Variants in ATP6V1C1 observed in about 807,000 individuals in gnomAD.
The protein encoded by ATP6V1C1 is ATPase H+ transporting V1 subunit C1.
A neutral mutation model predicts 53.9 loss-of-function variants in ATP6V1C1; 45 were observed. The ratio of observed to expected loss-of-function variants is 0.83; its 90% CI spans 0.66 to 1.07. The LOEUF (loss-of-function observed/expected upper bound fraction) is 1.07. Among genes scored for constraint, ATP6V1C1 ranks in the 50% least tolerant of loss-of-function variants. ATP6V1C1 has a pLI of 0.00. For missense variants in ATP6V1C1, 315 were observed against 440.3 expected (o/e 0.72, Z 2.55); for synonymous variants, 153 against 155.2 (o/e 0.99, Z 0.11).
intron 12 of ATP6V1C1, 105 bp downstream of exon 12, chr8:103,066,552 C>T: frequency 1.6e-6 from 2 of 1,256,884 alleles, no homozygotes; most frequent in South Asian, 1.8e-5. Flanking sequence ...GAAACTTAAT[C>T]ATTTTTTATT....
intron 12 of ATP6V1C1, among the ~76,000 whole-genome samples, chr8:103,066,817 T>C (rs990277143): frequency 3.3e-5 from 5 of 152,084 alleles, no homozygotes; most frequent in African/African-American, 9.7e-5. Context: ...AGTCAATAGA[T>C]GAGTATTTTC....
intron 12 of ATP6V1C1, among the ~76,000 whole-genome samples, chr8:103,067,428 T>C (rs1233490392): frequency 1.3e-5 from 2 of 150,450 alleles, no homozygotes; most frequent in Non-Finnish European, 3.0e-5. Flanking sequence ...TGTAGTGGGC[T>C]TTTACTTTAT....
Position 103,064,742 on chromosome 8 carries a change from A to G in ATP6V1C1, c.857A>G (p.Asn286Ser). 6.2e-7 allele frequency: 1 copy of G among 1,613,308 alleles called. No homozygotes were observed. The highest frequency in any genetic ancestry group is 8.5e-7 in the Non-Finnish European group (1 of 1,179,764). ...CCACTTGTACGGTGGCTGAAAGTGA[A>G]TTTTAGTGAAGCATTTATTGCATGG... ...FGPLVRWLKV[N>S]FSEAFIAWIH... Residue 286 changes from asparagine (N) to serine (S), a missense_variant, in exon 11 of 13, where the codon AAT becomes AGT. Transcript: ENST00000518738.
chr8:103,065,601 C>T (rs989495127), intron 11 of ATP6V1C1, among the ~76,000 whole-genome samples: 1 of 151,888 alleles, frequency 6.6e-6, no homozygotes, highest in African/African-American at 2.4e-5. Flanking sequence ...CAAAAAAACA[C>T]CCCAAAACTT....
chr8:103,060,449 C>T (rs1274923981), intron 8 of ATP6V1C1, among the ~76,000 whole-genome samples: 1 of 152,186 alleles, frequency 6.6e-6, no homozygotes. Context: ...GTTACTAATT[C>T]CCCAGTGTAT....
intron 1 of ATP6V1C1, among the ~76,000 whole-genome samples, chr8:103,030,846 T>G (rs975731800): frequency 2.6e-5 from 4 of 152,208 alleles, no homozygotes; most frequent in Admixed American, 2.6e-4. Flanking sequence ...CTTATGGTGC[T>G]GGGAGGCATT....
At chr8:103,047,454 A>ACG (rs972645176) in intron 3 of ATP6V1C1, among the ~76,000 whole-genome samples, 1 of 120,418 alleles carries the variant, frequency 8.3e-6, no homozygotes, top group African/African-American at 3.0e-5. Context: ...ACACACACAC[A>ACG]CACACACACA....
At position 103,048,929 on chromosome 8, in the gene ATP6V1C1, T is replaced by A; in HGVS notation, c.260T>A (p.Val87Asp). Residue 87 changes from valine to aspartate, a missense_variant, in exon 4 of 13, where the codon GTT (valine) becomes GAT (aspartate). Val to Asp is a radical substitution (Grantham distance 152). Transcript: ENST00000518738. ...ADVLEDSKDK[V>D]QENLLANGVD... ...GTATTGGAAGATAGCAAAGACAAAG[T>A]TCAAGAGAATCTGTTGGCTAATGGA... is the stretch of plus-strand genomic sequence containing the variant. The A allele has an allele frequency of 6.2e-7, 1 of 1,613,230 alleles. No homozygotes were observed. Among genetic ancestry groups the A allele is most frequent in the Non-Finnish European group, 8.5e-7 (1 of 1,179,626 alleles).
intron 1 of ATP6V1C1, among the ~76,000 whole-genome samples, chr8:103,025,623 A>G (rs796347685): frequency 6.6e-6 from 1 of 152,218 alleles, no homozygotes; most frequent in Non-Finnish European, 1.5e-5. Flanking sequence ...GAATAACTCA[A>G]ATAGAGTCCC....
intron 1 of ATP6V1C1, among the ~76,000 whole-genome samples, chr8:103,040,104 G>T (rs916527897): frequency 3.9e-5 from 6 of 152,066 alleles, no homozygotes; most frequent in Non-Finnish European, 7.4e-5. Flanking sequence ...CTTTCTCCAA[G>T]ATAAAAGTTA....
At chr8:103,037,691 TA>T (rs1476795541) in intron 1 of ATP6V1C1, among the ~76,000 whole-genome samples, 1 of 152,218 alleles carries the variant, frequency 6.6e-6, no homozygotes, top group Admixed American at 6.5e-5. Context: ...TACATTCTCA[TA>T]AAAATTTTAA....
chr8:103,040,330 C>T (rs1033081867), intron 1 of ATP6V1C1, among the ~76,000 whole-genome samples: 3 of 151,526 alleles, frequency 2.0e-5, no homozygotes, highest in Non-Finnish European at 4.4e-5. Flanking sequence ...ACAAAAATCG[C>T]TTGAACCTGG....
chr8:103,045,663 C>T (rs142281553), intron 3 of ATP6V1C1, among the ~76,000 whole-genome samples: 6,622 of 152,054 alleles, frequency 0.044, 236 homozygotes, highest in East Asian at 0.11. Flanking sequence ...AAAAATGGGC[C>T]GGGCATGGTG....
At chr8:103,062,083 C>G (rs12335341) in intron 8 of ATP6V1C1, among the ~76,000 whole-genome samples, 1 of 146,802 alleles carries the variant, frequency 6.8e-6, no homozygotes, top group Non-Finnish European at 1.5e-5. Context: ...CTGGGACCTT[C>G]TAAAGCCTAA....
At chr8:103,028,825 T>G (rs1267571145) in intron 1 of ATP6V1C1, among the ~76,000 whole-genome samples, 1 of 152,264 alleles carries the variant, frequency 6.6e-6, no homozygotes, top group Non-Finnish European at 1.5e-5. Flanking sequence ...GTTTACCAAC[T>G]TTGATCACAT....
At chr8:103,068,422 T>C (rs186731836) in intron 12 of ATP6V1C1, among the ~76,000 whole-genome samples, 20 of 152,360 alleles carry the variant, frequency 1.3e-4, no homozygotes, top group Admixed American at 1.3e-3. Context: ...GTCAGAATGC[T>C]TGAACCTGGC....
At chr8:103,040,114 A>AT (rs1362596980) in intron 1 of ATP6V1C1, among the ~76,000 whole-genome samples, 2 of 152,150 alleles carry the variant, frequency 1.3e-5, no homozygotes, top group Admixed American at 6.5e-5. Flanking sequence ...GATAAAAGTT[A>AT]TGCTTTTTTT....
intron 1 of ATP6V1C1, among the ~76,000 whole-genome samples, chr8:103,035,692 TG>T (rs918859694): frequency 2.0e-5 from 3 of 152,090 alleles, no homozygotes; most frequent in African/African-American, 7.2e-5. Context: ...TTCCAACAGC[TG>T]GGTGAAAAGA....
intron 1 of ATP6V1C1, 84 bp from the exon 2 acceptor site, chr8:103,040,707 GGTTATAT>G: frequency 8.6e-7 from 1 of 1,164,068 alleles, no homozygotes; most frequent in Admixed American, 2.7e-5. Flanking sequence ...TTTTGAAACA[GGTTATAT>G]GTTATAACTT....
Sources: allele counts gnomAD v4.1 joint callset (sites outside exome capture counted in the v4.1 genomes callset), GRCh38; gene constraint gnomAD v4.1.1; transcripts MANE v1.5; gene names NCBI Gene and HGNC (gene_info 2026-07-23, HGNC 2026-07-21).